RSPO2: variants seen among roughly 807,000 people sequenced by gnomAD.
RSPO2 encodes the protein R-spondin 2, also known as R-spondin-2.
RSPO2 carries 14 observed loss-of-function variants against 30.9 expected under a neutral mutation model. The observed-to-expected ratio is 0.45, with a 90% CI of 0.30 to 0.71. The LOEUF is 0.71. Among genes scored for constraint, RSPO2 ranks in the 30% least tolerant of loss-of-function variants. The pLI, the probability that RSPO2 is intolerant of heterozygous loss-of-function variation, is 0.08. For missense variants in RSPO2, 264 were observed against 301.9 expected, an observed-to-expected ratio of 0.87 and a Z score of 0.93; for synonymous variants, 107 against 96.4, an observed-to-expected ratio of 1.11 and a Z score of -0.64.
rs201100058 is a variant in RSPO2 at position 108,014,282 on chromosome 8, T to C, written c.95-25038A>G. On this transcript the variant is annotated intron_variant, in intron 2 of 5. Transcript: ENST00000276659. ...AGTTCAACCATTGTTGAAGAGAGTG[T>C]GGCGATTCCTCAAGGATCTAGAACC... Among the ~76,000 whole-genome samples the C allele has an allele frequency of 7.2e-5, 11 of 152,286 alleles. No homozygotes were observed. The East Asian group carries it at 2.1e-3, about 29-fold the overall frequency.
At chr8:107,916,754 A>G (rs1811995356) in intron 5 of RSPO2, among the ~76,000 whole-genome samples, 2 of 152,204 alleles carry the variant, frequency 1.3e-5, no homozygotes, top group South Asian at 4.1e-4. Flanking sequence ...TTGTTTTTCC[A>G]TAGGTTAAAT....
chr8:107,930,191 G>A (rs1812509520), intron 5 of RSPO2, among the ~76,000 whole-genome samples: 1 of 152,104 alleles, frequency 6.6e-6, no homozygotes, highest in South Asian at 2.1e-4. Flanking sequence ...TTACAAATGA[G>A]GAAACTTTTG....
At chr8:107,941,195 T>C (rs4735031) in intron 5 of RSPO2, among the ~76,000 whole-genome samples, 18,404 of 152,132 alleles carry the variant, frequency 0.12, 1,457 homozygotes, top group Middle Eastern at 0.3. Flanking sequence ...GAGATTCATC[T>C]GGGGCTGTGA....
chr8:108,026,113 C>T (rs552337858), intron 2 of RSPO2, among the ~76,000 whole-genome samples: 116 of 152,274 alleles, frequency 7.6e-4, no homozygotes, highest in African/African-American at 2.8e-3. Context: ...AACACAATAG[C>T]ATGTTTGTTG....
At chr8:107,903,458 C>A (rs369583464) in intron 5 of RSPO2, among the ~76,000 whole-genome samples, 1 of 151,978 alleles carries the variant, frequency 6.6e-6, no homozygotes, top group Non-Finnish European at 1.5e-5. Flanking sequence ...TGGTCAATTT[C>A]GTTTCATTTA....
At chr8:108,021,084 A>T (rs974588638) in intron 2 of RSPO2, among the ~76,000 whole-genome samples, 11 of 152,212 alleles carry the variant, frequency 7.2e-5, no homozygotes, top group Admixed American at 1.3e-4. Flanking sequence ...GTCTCCAGGA[A>T]CATACAGTCT....
In RSPO2 at chr8:108,056,323, G is replaced by A. The variant is rs62535503; in HGVS notation, c.94+26222C>T. 1.4e-3 allele frequency among the ~76,000 whole-genome samples: 219 copies of A among 151,934 alleles called. 1 individual carries two copies. Among genetic ancestry groups the A allele is most frequent in the African/African-American group, 4.9e-3 (203 of 41,458 alleles). On this transcript the variant is annotated intron_variant, in intron 2 of 5. Coordinates refer to ENST00000276659, the MANE Select transcript of RSPO2 (RefSeq NM_178565.5). ...CAACAACAACAACAACAAAACCTAC[G>A]CTTGGGCCCAATCTTGTAAGCATAG...
intron 2 of RSPO2, among the ~76,000 whole-genome samples, chr8:108,016,584 G>C (rs980928003): frequency 1.3e-5 from 2 of 152,138 alleles, no homozygotes; most frequent in African/African-American, 4.8e-5. Flanking sequence ...TATAGGATAG[G>C]AAATGTAACC....
chr8:108,034,881 C>T (rs1205843492), intron 2 of RSPO2, among the ~76,000 whole-genome samples: 1 of 152,216 alleles, frequency 6.6e-6, no homozygotes. Context: ...CGCACTCCTA[C>T]ACAGAAGCTA....
rs80182804 is a variant in RSPO2 at position 107,976,005 on chromosome 8, A to T, written c.283+13051T>A. ...GTAGCCACTCCTGCATAGTGATGTA[A>T]AGCCACTTCAGGGCAATGAGCTTTC... On this transcript the variant is annotated intron_variant, in intron 3 of 5. Transcript: ENST00000276659. Among the ~76,000 whole-genome samples, 716 of 152,332 alleles carry T rather than the reference A, an allele frequency of 4.7e-3. 9 individuals are homozygous for T. The highest frequency in any genetic ancestry group is 0.017 in the African/African-American group (690 of 41,578).
At chr8:108,043,233 G>A (rs1390840662) in intron 2 of RSPO2, among the ~76,000 whole-genome samples, 1 of 152,074 alleles carries the variant, frequency 6.6e-6, no homozygotes, top group Admixed American at 6.6e-5. Context: ...GTAGCGGGAA[G>A]TTTGTTTTGA....
At chr8:108,046,687 A>G (rs188059013) in intron 2 of RSPO2, among the ~76,000 whole-genome samples, 3 of 152,310 alleles carry the variant, frequency 2.0e-5, no homozygotes, top group Admixed American at 6.5e-5. Context: ...GTGGTTTGAA[A>G]CAGTGCATGC....
chr8:108,013,099 C>T (rs1210126910), intron 2 of RSPO2, among the ~76,000 whole-genome samples: 1 of 152,158 alleles, frequency 6.6e-6, no homozygotes, highest in Admixed American at 6.5e-5. Flanking sequence ...TACAATAACC[C>T]ATTATGGATC....
chr8:107,983,340 G>C (rs1322456725), intron 3 of RSPO2: 3 of 1,609,836 alleles, frequency 1.9e-6, no homozygotes, highest in African/African-American at 1.3e-5. Flanking sequence ...AAGAGAGATG[G>C]AAAAGGGCCC....
At chr8:108,071,415 T>C (rs1179457813) in intron 2 of RSPO2, among the ~76,000 whole-genome samples, 5 of 152,298 alleles carry the variant, frequency 3.3e-5, no homozygotes, top group African/African-American at 9.6e-5. Context: ...AACCCACTAA[T>C]AGTGCTTCTG....
At chr8:108,058,316 G>C (rs993222509) in intron 2 of RSPO2, among the ~76,000 whole-genome samples, 5 of 152,078 alleles carry the variant, frequency 3.3e-5, no homozygotes, top group African/African-American at 1.2e-4. Context: ...TCTTCAAGGA[G>C]AACTACAAAC....
intron 3 of RSPO2, among the ~76,000 whole-genome samples, chr8:107,967,995 T>C (rs944007876): frequency 2.6e-5 from 4 of 152,130 alleles, no homozygotes; most frequent in Non-Finnish European, 5.9e-5. Flanking sequence ...AGTGCAAAGA[T>C]CTCAGCACAG....
At chr8:108,011,529 T>G (rs1371976361) in intron 2 of RSPO2, among the ~76,000 whole-genome samples, 3 of 152,234 alleles carry the variant, frequency 2.0e-5, no homozygotes, top group Non-Finnish European at 4.4e-5. Context: ...TCTCTTCAAA[T>G]GTTTTAAAGA....
At chr8:107,978,990 C>T (rs567617540) in intron 3 of RSPO2, among the ~76,000 whole-genome samples, 15 of 152,284 alleles carry the variant, frequency 9.9e-5, no homozygotes, top group Non-Finnish European at 1.8e-4. Flanking sequence ...GATACCATCT[C>T]ACACCAGTTA....
Sources: gnomAD v4.1 joint callset for allele counts (sites outside exome capture counted in the v4.1 genomes callset) on GRCh38, gnomAD v4.1.1 for gene constraint, MANE v1.5 for transcripts, NCBI Gene and HGNC (gene_info 2026-07-23, HGNC 2026-07-21) for gene names.